Variants in ATP2B3 observed in about 807,000 individuals in gnomAD.
ATP2B3 encodes ATPase plasma membrane Ca2+ transporting 3, also known as plasma membrane calcium-transporting ATPase 3.
A neutral mutation model predicts 70.8 loss-of-function variants in ATP2B3; 12 were observed. The observed-to-expected ratio is 0.17, with a 90% CI of 0.11 to 0.27. The LOEUF (loss-of-function observed/expected upper bound fraction) is 0.27. Among genes scored for constraint, ATP2B3 ranks in the 10% least tolerant of loss-of-function variants. The probability of loss-of-function intolerance (pLI) is 1.00; values close to 1 mark genes in which losing one functional copy is unlikely to be tolerated. For missense variants in ATP2B3, 858 were observed against 1,118.5 expected (o/e 0.77, Z 3.32); for synonymous variants, 460 against 497.8 (o/e 0.92, Z 1.01).
At chrX:153,573,960 G>A (rs1296796689) in intron 21 of ATP2B3, among the ~76,000 whole-genome samples, 1 of 112,781 alleles carries the variant, frequency 8.9e-6, no homozygotes, top group Non-Finnish European at 1.9e-5. Flanking sequence ...GCCATGTCTT[G>A]TCTTTTCCGT....
intron 18 of ATP2B3, 92 bp from the exon 19 acceptor site, chrX:153,560,584 C>T: frequency 1.0e-6 from 1 of 986,208 alleles, no homozygotes; most frequent in East Asian, 3.3e-5. Flanking sequence ...GACAAGGGAC[C>T]CATCTCGGGA....
intron 1 of ATP2B3, among the ~76,000 whole-genome samples, chrX:153,518,154 G>A (rs1367042168): frequency 8.9e-6 from 1 of 112,885 alleles, no homozygotes; most frequent in Non-Finnish European, 1.9e-5. Flanking sequence ...CGTGTCTGAG[G>A]AACAAGGCCC....
chrX:153,525,694 G>C (rs1556999510), intron 2 of ATP2B3, among the ~76,000 whole-genome samples: 2 of 112,374 alleles, frequency 1.8e-5, no homozygotes, highest in Non-Finnish European at 3.8e-5. Context: ...GCCAGCAGAT[G>C]GTCCCACGTC....
chrX:153,542,213 A>T (rs1183135172), intron 5 of ATP2B3, 110 bp from the exon 6 acceptor site: 1 of 1,084,785 alleles, frequency 9.2e-7, no homozygotes, highest in Non-Finnish European at 1.2e-6. Flanking sequence ...CAGAAGGAGG[A>T]GGGCTCCTGA....
chrX:153,550,466 C>T (rs1158998022), intron 12 of ATP2B3, among the ~76,000 whole-genome samples, 180 bp downstream of exon 12: 2 of 111,883 alleles, frequency 1.8e-5, no homozygotes, highest in Non-Finnish European at 3.8e-5. Context: ...AAAACACCTC[C>T]ATCAACCCGG....
chrX:153,535,918 C>A (rs1603038631), intron 2 of ATP2B3, among the ~76,000 whole-genome samples: 3 of 112,985 alleles, frequency 2.7e-5, no homozygotes, highest in Admixed American at 9.2e-5. Context: ...TTCTGGGCAC[C>A]CATGGTGGGC....
chrX:153,534,757 T>C (rs1372281600), intron 2 of ATP2B3, among the ~76,000 whole-genome samples: 1 of 113,314 alleles, frequency 8.8e-6, no homozygotes, highest in Admixed American at 9.3e-5. Flanking sequence ...CTGCTTCATG[T>C]GCAATGTGTC....
intron 17 of ATP2B3, among the ~76,000 whole-genome samples, chrX:153,558,973 C>G (rs1280948934): frequency 5.4e-5 from 6 of 111,954 alleles, no homozygotes; most frequent in Non-Finnish European, 1.1e-4. Context: ...ATTTTCTTCA[C>G]CCCGCCTTAG....
intron 18 of ATP2B3, among the ~76,000 whole-genome samples, chrX:153,560,263 A>G (rs975302830): frequency 8.9e-6 from 1 of 111,808 alleles, no homozygotes; most frequent in Non-Finnish European, 1.9e-5. Context: ...CCAGCCCCAG[A>G]GTGGCCACGG....
At chrX:153,519,501 C>T (rs1018548203) in intron 2 of ATP2B3, among the ~76,000 whole-genome samples, 2 of 111,638 alleles carry the variant, frequency 1.8e-5, no homozygotes, top group Admixed American at 9.4e-5. Context: ...ATGAGGAAAC[C>T]GAAGCCATGT....
At chrX:153,555,695 A>G (rs1225623837) in intron 13 of ATP2B3, among the ~76,000 whole-genome samples, 2 of 112,139 alleles carry the variant, frequency 1.8e-5, no homozygotes, top group Admixed American at 9.4e-5. Flanking sequence ...CTCTTTCTCC[A>G]GAATCTAATG....
chrX:153,532,647 C>T (rs1024909051), intron 2 of ATP2B3, among the ~76,000 whole-genome samples: 2 of 111,941 alleles, frequency 1.8e-5, no homozygotes, highest in Non-Finnish European at 3.8e-5. Context: ...CCGGAAGGTG[C>T]GAGGCCCCCT....
chrX:153,552,013 C>T (rs1178774404), intron 12 of ATP2B3, among the ~76,000 whole-genome samples: 1 of 112,777 alleles, frequency 8.9e-6, no homozygotes, highest in Non-Finnish European at 1.9e-5. Context: ...CCTGCCTGGC[C>T]GCCCCACCCA....
chrX:153,574,503 C>T (rs1345578979), intron 21 of ATP2B3, among the ~76,000 whole-genome samples: 4 of 111,483 alleles, frequency 3.6e-5, no homozygotes, highest in South Asian at 3.7e-4. Context: ...TGGAGCCCCT[C>T]GGGTCGGCTG....
At chrX:153,576,541 G>A (rs1477482848) in intron 21 of ATP2B3, among the ~76,000 whole-genome samples, 1 of 111,877 alleles carries the variant, frequency 8.9e-6, no homozygotes, top group Non-Finnish European at 1.9e-5. Flanking sequence ...GGCATCCGAG[G>A]GGGAACACCC....
At chrX:153,542,067 G>A (rs1237196482) in intron 5 of ATP2B3, 141 bp downstream of exon 5, 10 of 608,167 alleles carry the variant, frequency 1.6e-5, no homozygotes, top group African/African-American at 6.3e-5. Flanking sequence ...GGGAGGTGGC[G>A]GGGGTGGGGG....
intron 17 of ATP2B3, 128 bp from the exon 18 acceptor site, chrX:153,559,596 AGATGT>A: frequency 1.9e-6 from 1 of 536,957 alleles, no homozygotes; most frequent in Admixed American, 3.2e-5. Context: ...GTAGGGATGG[AGATGT>A]CTGTTTTCAT....
chrX:153,525,342 G>C (rs186342933), intron 2 of ATP2B3, among the ~76,000 whole-genome samples: 27 of 112,377 alleles, frequency 2.4e-4, no homozygotes, highest in African/African-American at 8.4e-4. Flanking sequence ...TGCGGGCCAG[G>C]GGTGTGATGG....
chrX:153,559,348 A>C, intron 17 of ATP2B3: 1 of 187,788 alleles, frequency 5.3e-6, no homozygotes, highest in Non-Finnish European at 9.8e-6. Context: ...AACTCAGAGG[A>C]GCTGAGAAGG....
Sources: gnomAD v4.1 joint callset for allele counts (sites outside exome capture counted in the v4.1 genomes callset) on GRCh38, gnomAD v4.1.1 for gene constraint, MANE v1.5 for transcripts, NCBI Gene and HGNC (gene_info 2026-07-23, HGNC 2026-07-21) for gene names.